Variants in BMP5 observed in about 807,000 individuals in gnomAD.
BMP5 encodes bone morphogenetic protein 5.
In BMP5, 23 loss-of-function variants were observed where a neutral mutation model predicts 46.6. That is an observed-to-expected ratio of 0.49 (90% CI 0.35 to 0.70). BMP5 has a LOEUF of 0.70. BMP5 is among the 30% of genes least tolerant of loss of function. BMP5 has a pLI of 0.00. For synonymous variants in BMP5, 204 were observed against 191.9 expected, an observed-to-expected ratio of 1.06 and a Z score of -0.52; for missense variants, 545 against 565.6, an observed-to-expected ratio of 0.96 and a Z score of 0.37.
intron 1 of BMP5, chr6:55,865,321 G>T (rs1777614146): frequency 2.3e-6 from 1 of 426,066 alleles, no homozygotes; most frequent in African/African-American, 2.1e-5. Flanking sequence ...CTTCTAATTA[G>T]TTTCCCCTCC....
Position 55,760,527 on chromosome 6 carries a change from T to C in BMP5, c.1034A>G (p.Asn345Ser), listed in dbSNP as rs370514583. The change falls in exon 5 of 7, where the codon AAC becomes AGC. Residue 345 changes from asparagine (N) to serine (S), a missense_variant. Asn to Ser is a conservative substitution (Grantham distance 46, BLOSUM62 1). Coordinates refer to ENST00000370830, the MANE Select transcript of BMP5 (RefSeq NM_021073.4). ...ACAGGCTTGTTTTTGCTCACTTGTG[T>C]TATAATCTGAAGATAAAAACCACAT... ...SSRMSSVGDY[N>S]TSEQKQACKK... 166 of 1,612,860 alleles carry C rather than the reference T, an allele frequency of 1.0e-4. 1 individual carries two copies. The highest frequency in any genetic ancestry group is 2.0e-5 in the Non-Finnish European group (23 of 1,179,194).
intron 1 of BMP5, among the ~76,000 whole-genome samples, chr6:55,833,849 G>A (rs983030183): frequency 2.0e-5 from 3 of 151,856 alleles, no homozygotes; most frequent in Admixed American, 2.0e-4. Context: ...ATAAAGCTTT[G>A]GTGTATATTC....
intron 1 of BMP5, among the ~76,000 whole-genome samples, chr6:55,841,105 G>A (rs769832969): frequency 6.6e-6 from 1 of 152,102 alleles, no homozygotes; most frequent in Non-Finnish European, 1.5e-5. Flanking sequence ...TTCCTTATGA[G>A]AATCTAATGG....
chr6:55,821,126 A>G (rs1169480604), intron 1 of BMP5, among the ~76,000 whole-genome samples: 4 of 152,190 alleles, frequency 2.6e-5, no homozygotes, highest in Non-Finnish European at 5.9e-5. Flanking sequence ...GGAAAAGATG[A>G]TAATGACCAT....
intron 1 of BMP5, among the ~76,000 whole-genome samples, chr6:55,852,297 G>A (rs1777266221): frequency 6.6e-6 from 1 of 151,814 alleles, no homozygotes; most frequent in African/African-American, 2.4e-5. Context: ...ATATTTTTGT[G>A]ACGATCCAAG....
At chr6:55,773,171 T>C (rs1486145152) in intron 4 of BMP5, among the ~76,000 whole-genome samples, 4 of 151,944 alleles carry the variant, frequency 2.6e-5, no homozygotes, top group East Asian at 1.9e-4. Flanking sequence ...AAATTGGCCA[T>C]TATCACAGAA....
Position 55,783,036 on chromosome 6 carries a change from T to C in BMP5, c.833-8793A>G, listed in dbSNP as rs73744906. The stretch of plus-strand genomic sequence containing the variant: ...CACCTTGAGAAGAATGGAGGAAAAA[T>C]AGCCTGTCAGTGGCATACGTATTGT... On this transcript the variant is annotated intron_variant, in intron 3 of 6. Coordinates refer to ENST00000370830, the MANE Select transcript of BMP5 (RefSeq NM_021073.4). Among the ~76,000 whole-genome samples, 553 of 152,208 alleles carry C rather than the reference T, an allele frequency of 3.6e-3. 1 individual carries two copies. Among genetic ancestry groups the C allele is most frequent in the Middle Eastern group, 0.017 (5 of 294 alleles).
chr6:55,820,772 A>G (rs184006329), intron 1 of BMP5, among the ~76,000 whole-genome samples: 1 of 152,022 alleles, frequency 6.6e-6, no homozygotes, highest in Admixed American at 6.6e-5. Flanking sequence ...CATTTTTTAT[A>G]AATTCTTACC....
intron 1 of BMP5, among the ~76,000 whole-genome samples, chr6:55,836,231 A>G (rs537402884): frequency 1.3e-5 from 2 of 152,326 alleles, no homozygotes; most frequent in East Asian, 3.9e-4. Flanking sequence ...TGTTTTATTA[A>G]GTACTATATA....
chr6:55,801,490 G>T (rs751761929), intron 2 of BMP5, among the ~76,000 whole-genome samples: 1 of 152,174 alleles, frequency 6.6e-6, no homozygotes, highest in Non-Finnish European at 1.5e-5. Flanking sequence ...ATCTTCACAG[G>T]TTCTGTTTTG....
At chr6:55,760,666 G>A in intron 4 of BMP5, 133 bp from the exon 5 acceptor site, 2 of 747,228 alleles carry the variant, frequency 2.7e-6, no homozygotes, top group Non-Finnish European at 4.4e-6. Context: ...CAATCTTAAA[G>A]TTAGAACTAC....
At chr6:55,869,717 G>A (rs1395105479) in intron 1 of BMP5, among the ~76,000 whole-genome samples, 3 of 152,116 alleles carry the variant, frequency 2.0e-5, no homozygotes, top group Admixed American at 6.6e-5. Context: ...AGATGAGGAG[G>A]CAAAGAAGAA....
At chr6:55,854,109 A>T (rs1364018678) in intron 1 of BMP5, among the ~76,000 whole-genome samples, 1 of 152,178 alleles carries the variant, frequency 6.6e-6, no homozygotes, top group Non-Finnish European at 1.5e-5. Context: ...ATGGAGAAAA[A>T]GGTTTCTATG....
intron 1 of BMP5, among the ~76,000 whole-genome samples, chr6:55,852,295 G>A (rs1305803515): frequency 6.6e-6 from 1 of 151,724 alleles, no homozygotes. Context: ...GTATATTTTT[G>A]TGACGATCCA....
At chr6:55,849,238 C>G (rs2127548729) in intron 1 of BMP5, among the ~76,000 whole-genome samples, 1 of 152,076 alleles carries the variant, frequency 6.6e-6, no homozygotes, top group South Asian at 2.1e-4. Context: ...TCATATTCTA[C>G]CGGAGAAAAC....
chr6:55,825,317 C>T (rs191818535), intron 1 of BMP5, among the ~76,000 whole-genome samples: 1 of 151,764 alleles, frequency 6.6e-6, no homozygotes, highest in African/African-American at 2.4e-5. Flanking sequence ...AAATAGAAAA[C>T]TCAACTGCAC....
chr6:55,768,067 A>T (rs1432446146), intron 4 of BMP5, among the ~76,000 whole-genome samples: 3 of 151,966 alleles, frequency 2.0e-5, no homozygotes, highest in African/African-American at 7.2e-5. Context: ...AGCTTTATTT[A>T]TGATTTTATT....
chr6:55,816,812 C>CGTGT (rs147669437), intron 2 of BMP5, among the ~76,000 whole-genome samples: 3 of 148,294 alleles, frequency 2.0e-5, no homozygotes, highest in East Asian at 2.0e-4. Context: ...TGTGCACGTA[C>CGTGT]GTGTGTGTGT....
chr6:55,771,241 A>C (rs953866033), intron 4 of BMP5, among the ~76,000 whole-genome samples: 1 of 151,884 alleles, frequency 6.6e-6, no homozygotes, highest in African/African-American at 2.4e-5. Flanking sequence ...TTTTTAAAAA[A>C]ATCTTATCCA....
Sources: gnomAD v4.1 joint callset for allele counts (sites outside exome capture counted in the v4.1 genomes callset) on GRCh38, gnomAD v4.1.1 for gene constraint, MANE v1.5 for transcripts, NCBI Gene and HGNC (gene_info 2026-07-23, HGNC 2026-07-21) for gene names.